C3orf20: variants seen among roughly 807,000 people sequenced by gnomAD.
C3orf20 encodes the protein uncharacterized protein C3orf20.
A neutral mutation model predicts 88.3 loss-of-function variants in C3orf20; 76 were observed. The ratio of observed to expected loss-of-function variants is 0.86; its 90% confidence interval spans 0.72 to 1.04. The LOEUF is 1.04. Among genes scored for constraint, C3orf20 ranks in the 50% least tolerant of loss-of-function variants. The pLI is 0.00. For missense variants in C3orf20, 1,056 were observed against 1,123.3 expected, an observed-to-expected ratio of 0.94 and a Z score of 0.86; for synonymous variants, 436 against 437.4, an observed-to-expected ratio of 1.00 and a Z score of 0.04.
At chr3:14,684,435 G>A in intron 4 of C3orf20, 53 bp downstream of exon 4, 5 of 1,580,532 alleles carry the variant, frequency 3.2e-6, no homozygotes, top group Non-Finnish European at 4.3e-6. Flanking sequence ...ATATCAGCAG[G>A]AATGCAATGG....
intron 7 of C3orf20, among the ~76,000 whole-genome samples, chr3:14,707,550 A>G (rs2033564640): frequency 6.7e-6 from 1 of 150,046 alleles, no homozygotes. Flanking sequence ...GTTTAGATTG[A>G]GTTGTCTTTC....
At chr3:14,684,484 A>C in intron 4 of C3orf20, 102 bp downstream of exon 4, 1 of 1,438,044 alleles carries the variant, frequency 7.0e-7, no homozygotes, top group Non-Finnish European at 9.4e-7. Flanking sequence ...GACATTTCCA[A>C]GAATTGAGGT....
intron 15 of C3orf20, among the ~76,000 whole-genome samples, chr3:14,761,972 G>A (rs956638124): frequency 6.6e-6 from 1 of 152,160 alleles, no homozygotes; most frequent in Non-Finnish European, 1.5e-5. Flanking sequence ...GAATATTCTA[G>A]ACAGGTTTGG....
intron 12 of C3orf20, among the ~76,000 whole-genome samples, chr3:14,738,738 T>TCAAGCGTCTCTCCTGCCTC: frequency 7.0e-6 from 1 of 143,570 alleles, no homozygotes; most frequent in African/African-American, 2.6e-5. Context: ...GCTCCTGGGT[T>TCAAGCGTCTCTCCTGCCTC]CAAGCGACTC....
intron 6 of C3orf20, 32 bp from the exon 7 acceptor site, chr3:14,704,305 G>T: frequency 3.7e-6 from 6 of 1,609,812 alleles, no homozygotes; most frequent in Non-Finnish European, 5.1e-6. Context: ...GAACCAAAAG[G>T]CTAGACAATA....
intron 15 of C3orf20, chr3:14,764,938 A>C (rs2035663274): frequency 6.6e-6 from 1 of 151,782 alleles, no homozygotes; most frequent in Non-Finnish European, 1.5e-5. Flanking sequence ...AGTGTTGAAG[A>C]ATTTGTGGAC....
At chr3:14,720,440 G>A (rs753849986) in intron 9 of C3orf20, among the ~76,000 whole-genome samples, 5 of 152,224 alleles carry the variant, frequency 3.3e-5, no homozygotes, top group Non-Finnish European at 7.3e-5. Flanking sequence ...AGACTGCAGG[G>A]TGTGAGGAAG....
Position 14,714,021 on chromosome 3 carries a change from A to G in C3orf20, c.1175A>G (p.Asn392Ser), listed in dbSNP as rs751053238. 1.7e-5 allele frequency: 27 copies of G among 1,613,972 alleles called. No homozygotes were observed. The highest frequency in any genetic ancestry group is 3.3e-4 in the Middle Eastern group (2 of 6,062). The change falls in exon 8 of 17, where the codon AAC (asparagine) becomes AGC (serine). Residue 392 changes from asparagine (N) to serine (S), a missense_variant. Asn to Ser is a conservative substitution (Grantham distance 46). Transcript: ENST00000253697. Reference sequence around the variant, plus strand: ...ATTTCTGCCAGCTATCCCTCTGGAAACGTCGCTGTATGTCAGATCCCCACA... The same window carrying G: ...ATTTCTGCCAGCTATCCCTCTGGAAGCGTCGCTGTATGTCAGATCCCCACA... ...GSSFVYYPSG[N>S]VAVCQIPTCC...
intron 5 of C3orf20, among the ~76,000 whole-genome samples, chr3:14,691,304 T>C (rs2032719760): frequency 6.6e-6 from 1 of 152,210 alleles, no homozygotes; most frequent in African/African-American, 2.4e-5. Flanking sequence ...CCCCATTGCA[T>C]GTGCGCCTGG....
intron 7 of C3orf20, among the ~76,000 whole-genome samples, chr3:14,710,146 T>G (rs1002291615): frequency 6.6e-6 from 1 of 152,160 alleles, no homozygotes; most frequent in Non-Finnish European, 1.5e-5. Flanking sequence ...GACTTTATGG[T>G]GTACAGCTAT....
At chr3:14,759,326 T>C (rs148820892) in intron 13 of C3orf20, among the ~76,000 whole-genome samples, 2 of 152,158 alleles carry the variant, frequency 1.3e-5, no homozygotes, top group Non-Finnish European at 2.9e-5. Flanking sequence ...GCTGTATTAA[T>C]AGATCTGAGG....
chr3:14,770,871 A>G (rs1292261353), intron 15 of C3orf20, among the ~76,000 whole-genome samples: 1 of 152,212 alleles, frequency 6.6e-6, no homozygotes. Flanking sequence ...CCTGCTTCCC[A>G]GGGCTGCTGT....
At position 14,768,616 on chromosome 3, in the gene C3orf20, C is replaced by T. The variant is rs573566057; in HGVS notation, c.2496-3451C>T. Reference sequence around the variant, plus strand: ...AGCTTGTCACAGCAGCAGACAGTAACGACGGATGAGGATGGTGTTAAAACT... The same window carrying T: ...AGCTTGTCACAGCAGCAGACAGTAATGACGGATGAGGATGGTGTTAAAACT... On this transcript the variant is annotated intron_variant, in intron 15 of 16. Coordinates refer to ENST00000253697, the MANE Select transcript of C3orf20 (RefSeq NM_032137.5). The surrounding 1 kb of genome is among the most constrained non-coding windows in gnomAD (Gnocchi z 4.1). Among the ~76,000 whole-genome samples, 32 of 151,926 alleles carry T rather than the reference C, an allele frequency of 2.1e-4. 1 individual carries two copies. The highest frequency in any genetic ancestry group is 3.4e-4 in the African/African-American group (14 of 41,276).
Position 14,757,430 on chromosome 3 carries a change from C to A in C3orf20, c.2000C>A (p.Pro667Gln). 1.2e-6 allele frequency: 2 copies of A among 1,612,202 alleles called. No homozygotes were observed. The highest frequency in any genetic ancestry group is 2.2e-5 in the South Asian group (2 of 91,002). Residue 667 changes from proline to glutamine, a missense_variant, in exon 13 of 17, where the codon CCG becomes CAG. Pro to Gln is a moderately conservative substitution (Grantham distance 76). Coordinates refer to ENST00000253697, the MANE Select transcript of C3orf20 (RefSeq NM_032137.5). ...TRWAALPSDCPLVLRKLMLKE... is the reference protein window; with the variant it reads ...TRWAALPSDCQLVLRKLMLKE... Reference sequence around the variant, plus strand: ...TGGGCGGCCTTGCCCTCAGACTGCCCGCTGGTGCTGCGGAAGCTCATGCTC... The same window carrying A: ...TGGGCGGCCTTGCCCTCAGACTGCCAGCTGGTGCTGCGGAAGCTCATGCTC...
intron 12 of C3orf20, among the ~76,000 whole-genome samples, chr3:14,750,416 A>G (rs2035185481): frequency 6.6e-6 from 1 of 152,078 alleles, no homozygotes; most frequent in African/African-American, 2.4e-5. Context: ...AACAGCCAGG[A>G]GTAGTATCAC....
chr3:14,761,481 C>T lies in C3orf20; in HGVS notation c.2361C>T (p.Ala787=), dbSNP rs766534611. Residue 787 remains alanine (A), a synonymous_variant, in exon 15 of 17, where the codon GCC becomes GCT. Coordinates refer to ENST00000253697, the MANE Select transcript of C3orf20 (RefSeq NM_032137.5). The stretch of plus-strand genomic sequence containing the variant: ...TTCCTTCCTGTCAACAGATGTTTGC[C>T]GGGGGGAAGCTCATTTTTGGGGGCC... The part of the protein sequence containing the change: ...SVVQGMILMF[A]GGKLIFGGRV... 22 of 1,613,740 alleles carry T rather than the reference C, an allele frequency of 1.4e-5. No homozygotes were observed. The highest frequency in any genetic ancestry group is 1.0e-4 in the Admixed American group (6 of 59,992).
intron 12 of C3orf20, among the ~76,000 whole-genome samples, chr3:14,745,198 A>G (rs540276653): frequency 6.6e-6 from 1 of 152,260 alleles, no homozygotes; most frequent in African/African-American, 2.4e-5. Context: ...ACCCACAGAG[A>G]GAGAGAGAGC....
Position 14,728,490 on chromosome 3 carries a change from G to C in C3orf20, c.1742G>C (p.Arg581Pro). ...PTKKEEEEFV[R>P]FKMRSRTHPE... ...AAAAAGGAGGAGGAAGAATTTGTTCGGTTCAAGATGAGATCCAGAACTCAT... is the reference window on the plus strand; with the variant it reads ...AAAAAGGAGGAGGAAGAATTTGTTCCGTTCAAGATGAGATCCAGAACTCAT... Residue 581 changes from arginine (R) to proline (P), a missense_variant, in exon 12 of 17, where the codon CGG (arginine) becomes CCG (proline). Physicochemically the swap from Arg to Pro is moderately radical, Grantham distance 103 (BLOSUM62 -2). Transcript: ENST00000253697. The C allele has an allele frequency of 1.2e-6, 2 of 1,614,114 alleles. No homozygotes were observed. The highest frequency in any genetic ancestry group is 1.7e-6 in the Non-Finnish European group (2 of 1,180,020).
chr3:14,682,950 G>A lies in C3orf20; in HGVS notation c.237G>A (p.Val79=), dbSNP rs1412099079. 6.2e-7 allele frequency: 1 copy of A among 1,614,054 alleles called. No homozygotes were observed. The highest frequency in any genetic ancestry group is 8.5e-7 in the Non-Finnish European group (1 of 1,180,040). Residue 79 remains valine (V), a synonymous_variant, in exon 3 of 17, where the codon GTG becomes GTA. Coordinates refer to ENST00000253697, the MANE Select transcript of C3orf20 (RefSeq NM_032137.5). ...TCAGCTTTGGAGCCCCCCTGGTGGT[G>A]CTCATGGAACCCACCTTTGTGCAGG... The part of the protein sequence containing the change: ...LEVSFGAPLV[V]LMEPTFVQVP...
Sources: allele counts gnomAD v4.1 joint callset (sites outside exome capture counted in the v4.1 genomes callset), GRCh38; gene constraint gnomAD v4.1.1; non-coding constraint Gnocchi (gnomAD v3.1); transcripts MANE v1.5; gene names NCBI Gene and HGNC (gene_info 2026-07-23, HGNC 2026-07-21).